IGSF21: variants seen among roughly 807,000 people sequenced by gnomAD.
The protein encoded by IGSF21 is immunoglobulin superfamily member 21.
Under a neutral mutation model 46.8 loss-of-function variants are expected in IGSF21, and 28 were observed. The observed-to-expected ratio is 0.60, with a 90% CI of 0.44 to 0.82. The LOEUF is 0.82. Ranked by LOEUF, IGSF21 falls within the 40% of genes least tolerant of loss-of-function variation. The probability of loss-of-function intolerance (pLI) is 0.00; values close to 1 mark genes in which losing one functional copy is unlikely to be tolerated. For missense variants in IGSF21, 624 were observed against 665.5 expected (o/e 0.94, Z 0.69); for synonymous variants, 284 against 273.6 (o/e 1.04, Z -0.38).
At chr1:18,336,398 A>G (rs2085766570) in intron 4 of IGSF21, among the ~76,000 whole-genome samples, 1 of 152,206 alleles carries the variant, frequency 6.6e-6, no homozygotes, top group South Asian at 2.1e-4. Flanking sequence ...AACCAATCCA[A>G]GGGTACGTGC....
chr1:18,337,081 C>T lies in IGSF21; in HGVS notation c.424+2071C>T, dbSNP rs2085776669. On this transcript the variant is annotated intron_variant, in intron 4 of 9. Transcript: ENST00000251296. The surrounding 1 kb of genome is among the most constrained non-coding windows in gnomAD (Gnocchi z 5.7). Reference sequence around the variant, plus strand: ...ATAAGATGAGATTTGAGTTGGGACACAGCCAAACCATATCATGTATCATCA... The same window carrying T: ...ATAAGATGAGATTTGAGTTGGGACATAGCCAAACCATATCATGTATCATCA... Among the ~76,000 whole-genome samples, 1 of 152,196 alleles carries T rather than the reference C, an allele frequency of 6.6e-6. No homozygotes were observed. The highest frequency in any genetic ancestry group is 2.4e-5 in the African/African-American group (1 of 41,444).
At chr1:18,108,300 A>G (rs1254376999) in intron 1 of IGSF21, 102 bp downstream of exon 1, 1 of 1,167,476 alleles carries the variant, frequency 8.6e-7, no homozygotes, top group Non-Finnish European at 1.1e-6. Flanking sequence ...GGCTCGGGCT[A>G]CGAGCACCGG....
chr1:18,148,129 C>CTTTTTTT (rs58426436), intron 1 of IGSF21, among the ~76,000 whole-genome samples: 3 of 108,320 alleles, frequency 2.8e-5, no homozygotes, highest in African/African-American at 3.6e-5. Context: ...CAAGTATGTC[C>CTTTTTTT]TTTTTTTTTT....
intron 1 of IGSF21, among the ~76,000 whole-genome samples, chr1:18,197,796 G>T (rs1249488030): frequency 6.6e-6 from 1 of 152,222 alleles, no homozygotes; most frequent in Non-Finnish European, 1.5e-5. Flanking sequence ...TCATATTGGG[G>T]CTATGGTGAA....
chr1:18,376,874 C>G lies in IGSF21; in HGVS notation c.1176C>G (p.Phe392Leu). The G allele has an allele frequency of 6.2e-7, 1 of 1,612,804 alleles. No individual in the cohort carries two copies. Among genetic ancestry groups the G allele is most frequent in the Non-Finnish European group, 8.5e-7 (1 of 1,178,958 alleles). The change falls in exon 8 of 10, where the codon TTC (phenylalanine) becomes TTG (leucine). Residue 392 changes from phenylalanine to leucine, a missense_variant. Transcript: ENST00000251296. ...GCCTCCTGGACGGCAGCGCTGAGTTCGACGGGAAGGAGCTGGTGCTGGAGC... is the reference window on the plus strand; with the variant it reads ...GCCTCCTGGACGGCAGCGCTGAGTTGGACGGGAAGGAGCTGGTGCTGGAGC... ...GSRLLDGSAE[F>L]DGKELVLERV...
chr1:18,135,575 T>C (rs1229181558), intron 1 of IGSF21, among the ~76,000 whole-genome samples: 2 of 152,196 alleles, frequency 1.3e-5, no homozygotes, highest in East Asian at 3.8e-4. Flanking sequence ...TCCATGTCCC[T>C]ACAAAGGATG....
At chr1:18,163,150 G>A (rs2086643632) in intron 1 of IGSF21, among the ~76,000 whole-genome samples, 1 of 152,082 alleles carries the variant, frequency 6.6e-6, no homozygotes, top group African/African-American at 2.4e-5. Flanking sequence ...TAAGACCTTG[G>A]ACAAATCTGC....
chr1:18,175,541 G>A (rs1445864637), intron 1 of IGSF21, among the ~76,000 whole-genome samples: 1 of 152,174 alleles, frequency 6.6e-6, no homozygotes, highest in Non-Finnish European at 1.5e-5. Flanking sequence ...GTTAAAGGCA[G>A]GAGGGGTCAG....
chr1:18,296,805 C>T (rs2085316126), intron 3 of IGSF21, among the ~76,000 whole-genome samples: 1 of 152,208 alleles, frequency 6.6e-6, no homozygotes, highest in African/African-American at 2.4e-5. Context: ...CACACACATG[C>T]TGTGTCTTCC....
intron 1 of IGSF21, among the ~76,000 whole-genome samples, chr1:18,198,828 A>G (rs1468613165): frequency 6.6e-6 from 1 of 152,124 alleles, no homozygotes; most frequent in Non-Finnish European, 1.5e-5. Flanking sequence ...TGAGGATCTA[A>G]TAAGGTCGTG....
At chr1:18,152,392 G>A (rs1486292092) in intron 1 of IGSF21, among the ~76,000 whole-genome samples, 1 of 152,198 alleles carries the variant, frequency 6.6e-6, no homozygotes, top group Non-Finnish European at 1.5e-5. Context: ...CAGGTGTGAG[G>A]TCAGAGCAGA....
At chr1:18,221,637 T>C (rs1307871860) in intron 1 of IGSF21, among the ~76,000 whole-genome samples, 1 of 152,122 alleles carries the variant, frequency 6.6e-6, no homozygotes, top group African/African-American at 2.4e-5. Flanking sequence ...CTGTCAGAGA[T>C]AGAGGGGAGA....
At chr1:18,372,425 G>A (rs1335476036) in intron 6 of IGSF21, among the ~76,000 whole-genome samples, 2 of 152,254 alleles carry the variant, frequency 1.3e-5, no homozygotes, top group African/African-American at 4.8e-5. Flanking sequence ...GGATGGGTAA[G>A]CAAATTGGTA....
intron 1 of IGSF21, among the ~76,000 whole-genome samples, chr1:18,134,742 C>G (rs2086353790): frequency 6.6e-6 from 1 of 152,200 alleles, no homozygotes. Context: ...CCCCAGCACC[C>G]AAGCCCAGGT....
In IGSF21 at chr1:18,141,257, C is replaced by T. The variant is rs112046452; in HGVS notation, c.70+33059C>T. 2.2e-3 allele frequency among the ~76,000 whole-genome samples: 337 copies of T among 152,192 alleles called. 1 individual carries two copies. Among genetic ancestry groups the T allele is most frequent in the African/African-American group, 7.7e-3 (321 of 41,534 alleles). On this transcript the variant is annotated intron_variant, in intron 1 of 9. Transcript: ENST00000251296. ...AGAGAGAGAGTTTAAAGCTCTGAGA[C>T]CTTGCTTTGTCTTGTTTCTATTTAT...
At chr1:18,369,179 A>T (rs536786087) in intron 6 of IGSF21, among the ~76,000 whole-genome samples, 1 of 152,272 alleles carries the variant, frequency 6.6e-6, no homozygotes. Context: ...GTAAAGAGAC[A>T]CCTGGGCTGA....
Position 18,174,579 on chromosome 1 carries a change from G to C in IGSF21, c.71-53319G>C, listed in dbSNP as rs553820540. Among the ~76,000 whole-genome samples the C allele has an allele frequency of 6.6e-4, 100 of 152,284 alleles. 1 individual carries two copies. The South Asian group carries it at 0.015, about 23-fold the overall frequency. On this transcript the variant is annotated intron_variant, in intron 1 of 9. Coordinates refer to ENST00000251296, the MANE Select transcript of IGSF21 (RefSeq NM_032880.5). ...CCCTCGCTCGCTCTTGTCACTTCAA[G>C]CGTGCCACCCGACTTCCCCCTGCCA...
At chr1:18,308,871 G>A (rs1000550505) in intron 3 of IGSF21, among the ~76,000 whole-genome samples, 2 of 152,148 alleles carry the variant, frequency 1.3e-5, no homozygotes, top group African/African-American at 2.4e-5. Context: ...ATTTCAAGGC[G>A]GGCATCAGGC....
intron 3 of IGSF21, 137 bp downstream of exon 3, chr1:18,292,124 C>T: frequency 2.1e-6 from 2 of 931,672 alleles, no homozygotes; most frequent in Non-Finnish European, 3.2e-6. Flanking sequence ...GGGGGCTCCC[C>T]TTATGGAAGT....
Sources: allele counts gnomAD v4.1 joint callset (sites outside exome capture counted in the v4.1 genomes callset), GRCh38; gene constraint gnomAD v4.1.1; non-coding constraint Gnocchi (gnomAD v3.1); transcripts MANE v1.5; gene names NCBI Gene and HGNC (gene_info 2026-07-23, HGNC 2026-07-21).